Variants in MICU3 observed in about 807,000 individuals in gnomAD.
MICU3 encodes mitochondrial calcium uptake 3, also known as calcium uptake protein 3, mitochondrial.
In MICU3, 62 loss-of-function variants were observed where a neutral mutation model predicts 66.5. That is an observed-to-expected ratio of 0.93 (90% confidence interval 0.76 to 1.15). The LOEUF (loss-of-function observed/expected upper bound fraction) is 1.15. Ranked by LOEUF, MICU3 falls within the 50% of genes most tolerant of loss-of-function variation. MICU3 has a pLI of 0.00. For missense variants in MICU3, 779 were observed against 664.4 expected (o/e 1.17, Z -1.90); for synonymous variants, 308 against 240.7 (o/e 1.28, Z -2.59).
At chr8:17,049,558 G>A (rs56165147) in intron 1 of MICU3, 2 of 515,650 alleles carry the variant, frequency 3.9e-6, no homozygotes, top group Middle Eastern at 3.2e-4. Context: ...TTTGCAGAAA[G>A]TTAAGTTATT....
In MICU3 at chr8:17,086,417, A is replaced by G. The variant is rs989605749; in HGVS notation, c.778-547A>G. On this transcript the variant is annotated intron_variant, in intron 6 of 14. Transcript: ENST00000318063. ...ACCCACGCAGCCCTTGCCCACGTGT[A>G]GTCCCTGAGCCAAGCCACTGGAGCT... is the stretch of plus-strand genomic sequence containing the variant. Among the ~76,000 whole-genome samples the G allele has an allele frequency of 2.6e-5, 4 of 152,124 alleles. No individual in the cohort carries two copies. The East Asian group carries it at 7.7e-4, about 29-fold the overall frequency.
At chr8:17,120,014 C>T (rs1450129151) in intron 14 of MICU3, among the ~76,000 whole-genome samples, 3 of 152,068 alleles carry the variant, frequency 2.0e-5, no homozygotes, top group Non-Finnish European at 2.9e-5. Flanking sequence ...TGTTCCCGAC[C>T]GACTTGTAGT....
intron 11 of MICU3, among the ~76,000 whole-genome samples, chr8:17,113,866 A>G (rs2150831810): frequency 6.6e-6 from 1 of 152,276 alleles, no homozygotes; most frequent in South Asian, 2.1e-4. Context: ...CAGTGTTTAC[A>G]AAATACTTTT....
At chr8:17,111,221 C>CT (rs774042256) in intron 11 of MICU3, among the ~76,000 whole-genome samples, 1 of 152,078 alleles carries the variant, frequency 6.6e-6, no homozygotes, top group Non-Finnish European at 1.5e-5. Context: ...TGTACATGTT[C>CT]TTTATATAAA....
chr8:17,125,711 C>T (rs190061990), downstream of MICU3, among the ~76,000 whole-genome samples: 9 of 152,160 alleles, frequency 5.9e-5, no homozygotes, highest in African/African-American at 2.2e-4. Flanking sequence ...CCCCAAACTT[C>T]AATCCTCTCT....
At chr8:17,040,441 A>C (rs1212575383) in intron 1 of MICU3, among the ~76,000 whole-genome samples, 1 of 152,224 alleles carries the variant, frequency 6.6e-6, no homozygotes, top group African/African-American at 2.4e-5. Flanking sequence ...ATTGGACTTT[A>C]TGGAGATCAG....
intron 13 of MICU3, among the ~76,000 whole-genome samples, chr8:17,118,166 G>T (rs1209547117): frequency 2.0e-5 from 3 of 151,984 alleles, no homozygotes; most frequent in African/African-American, 7.3e-5. Context: ...TATAAAGTAC[G>T]CTAGAAACGT....
At chr8:17,090,206 C>G (rs140226851) in intron 7 of MICU3, among the ~76,000 whole-genome samples, 151 of 152,176 alleles carry the variant, frequency 9.9e-4, no homozygotes, top group Non-Finnish European at 1.8e-3. Flanking sequence ...TGGATTTCCC[C>G]CTATGCCATG....
downstream of MICU3, among the ~76,000 whole-genome samples, chr8:17,126,995 C>G (rs1803420769): frequency 6.6e-6 from 1 of 152,066 alleles, no homozygotes; most frequent in South Asian, 2.1e-4. Flanking sequence ...ATGGCATTTC[C>G]TATATGTGTA....
At chr8:17,088,724 C>T (rs556367513) in intron 7 of MICU3, among the ~76,000 whole-genome samples, 4 of 151,930 alleles carry the variant, frequency 2.6e-5, no homozygotes, top group Admixed American at 2.6e-4. Flanking sequence ...TTTATTAATA[C>T]ATCCATCAAG....
intron 1 of MICU3, among the ~76,000 whole-genome samples, chr8:17,051,836 C>G (rs1050959207): frequency 6.6e-6 from 1 of 151,978 alleles, no homozygotes; most frequent in Non-Finnish European, 1.5e-5. Flanking sequence ...CTCCAGTAGC[C>G]TTGCTGTAAA....
downstream of MICU3, among the ~76,000 whole-genome samples, chr8:17,125,848 G>A (rs1486009541): frequency 6.6e-6 from 1 of 151,860 alleles, no homozygotes; most frequent in Non-Finnish European, 1.5e-5. Context: ...TGACCGAGAT[G>A]GTGAAACCCC....
Position 17,048,420 on chromosome 8 carries a change from C to T in MICU3, c.382-15664C>T, listed in dbSNP as rs139297875. ...ATGGAGGCAGGAAAGAGAGCATGTG[C>T]GGGGGAACGCCCCTTTATATAAAAC... On this transcript the variant is annotated intron_variant, in intron 1 of 14. Transcript: ENST00000318063. Among the ~76,000 whole-genome samples, 484 of 152,164 alleles carry T rather than the reference C, an allele frequency of 3.2e-3. 3 individuals carry two copies. The highest frequency in any genetic ancestry group is 0.01 in the African/African-American group (433 of 41,504).
intron 8 of MICU3, among the ~76,000 whole-genome samples, chr8:17,092,889 G>A (rs139664278): frequency 6.6e-6 from 1 of 152,088 alleles, no homozygotes; most frequent in East Asian, 1.9e-4. Flanking sequence ...TCATGGAGCT[G>A]GATATAAACT....
chr8:17,081,738 C>T lies in MICU3; in HGVS notation c.692C>T (p.Thr231Ile). ...TATCTTTTTCTTTTATGTATTTTAA[C>T]AAGTAAGTATACTTATTGCTTTTAT... ...TEYLFLLCIL[T>I]KPHAGFRIAF... is the part of the protein sequence containing the mutation. The change falls in exon 5 of 15, where the codon ACA (threonine) becomes ATA (isoleucine). Residue 231 changes from threonine to isoleucine, a missense_variant and splice_region_variant. By Grantham distance (89) the Thr-to-Ile change is moderately conservative. Transcript: ENST00000318063. The T allele has an allele frequency of 1.1e-6, 1 of 937,576 alleles. No homozygotes were observed. The highest frequency in any genetic ancestry group is 1.6e-6 in the Non-Finnish European group (1 of 620,990). The allele number at this position is 937,576 out of a possible 1,614,324, so 58.1% of individuals were successfully genotyped here.
intron 1 of MICU3, among the ~76,000 whole-genome samples, chr8:17,029,213 C>T (rs553837918): frequency 1.3e-5 from 2 of 152,330 alleles, no homozygotes; most frequent in South Asian, 2.1e-4. Context: ...TGGTGGCTCA[C>T]GCCTGTAATC....
chr8:17,106,691 T>A lies in MICU3; in HGVS notation c.1257+1107T>A, dbSNP rs147620582. On this transcript the variant is annotated intron_variant, in intron 11 of 14. Coordinates refer to ENST00000318063, the MANE Select transcript of MICU3 (RefSeq NM_181723.3). ...CACCACAAATGATTACTTGTAGAAATGGAAAAATTTGCACGTGAATCAAAA... is the reference window on the plus strand; with the variant it reads ...CACCACAAATGATTACTTGTAGAAAAGGAAAAATTTGCACGTGAATCAAAA... Among the ~76,000 whole-genome samples the A allele has an allele frequency of 2.4e-3, 366 of 152,176 alleles. 2 individuals are homozygous for A. Among genetic ancestry groups the A allele is most frequent in the African/African-American group, 8.1e-3 (336 of 41,544 alleles).
At chr8:17,123,667 T>G (rs2150851221), downstream of MICU3, among the ~76,000 whole-genome samples, 1 of 152,218 alleles carries the variant, frequency 6.6e-6, no homozygotes. Context: ...CTTGTGGGAC[T>G]ATCATATCCC....
At chr8:17,080,994 T>A (rs866957017) in intron 4 of MICU3, among the ~76,000 whole-genome samples, 17 of 152,272 alleles carry the variant, frequency 1.1e-4, no homozygotes, top group Middle Eastern at 3.4e-3. Context: ...AGTTTTGGGT[T>A]TTGTATTCCA....
Sources: gnomAD v4.1 joint callset for allele counts (sites outside exome capture counted in the v4.1 genomes callset) on GRCh38, gnomAD v4.1.1 for gene constraint, MANE v1.5 for transcripts, NCBI Gene and HGNC (gene_info 2026-07-23, HGNC 2026-07-21) for gene names.